BPNT1: variants seen among roughly 807,000 people sequenced by gnomAD.
BPNT1 encodes 3'(2'), 5'-bisphosphate nucleotidase 1, also known as 3'(2'),5'-bisphosphate nucleotidase 1.
BPNT1 carries 28 observed loss-of-function variants against 36.9 expected under a neutral mutation model. The ratio of observed to expected loss-of-function variants is 0.76; its 90% CI spans 0.56 to 1.04. The LOEUF (loss-of-function observed/expected upper bound fraction) is 1.04. Among genes scored for constraint, BPNT1 ranks in the 50% least tolerant of loss-of-function variants. The pLI, the probability that BPNT1 is intolerant of heterozygous loss-of-function variation, is 0.00. For missense variants in BPNT1, 313 were observed against 372.9 expected, an observed-to-expected ratio of 0.84 and a Z score of 1.32; for synonymous variants, 119 against 130.9, an observed-to-expected ratio of 0.91 and a Z score of 0.62.
Position 220,058,859 on chromosome 1 carries a change from AT to A in BPNT1, c.911del (p.Asn304MetfsTer20), listed in dbSNP as rs1210209988. ...AAACTTTCCTTTAAGGAACAAGTGC[AT>A]TTTTAATAGATTCTGGAACTCGGCT... ...YASRVPESIK[N>X]ALVP On this transcript the variant is annotated frameshift_variant, in exon 9 of 9. Transcript: ENST00000322067. LOFTEE classifies it high-confidence loss of function. 6.2e-7 allele frequency: 1 copy of A among 1,613,968 alleles called. No homozygotes were observed. Among genetic ancestry groups the A allele is most frequent in the African/African-American group, 1.3e-5 (1 of 74,914 alleles).
intron 1 of BPNT1, among the ~76,000 whole-genome samples, chr1:220,083,440 G>C (rs1655408657): frequency 2.0e-5 from 3 of 150,668 alleles, no homozygotes; most frequent in Non-Finnish European, 4.4e-5. Context: ...TCAGCCTCCC[G>C]AGTAGCTGGG....
At chr1:220,082,796 AGGCT>A in intron 1 of BPNT1, among the ~76,000 whole-genome samples, 2 of 152,156 alleles carry the variant, frequency 1.3e-5, no homozygotes, top group East Asian at 3.9e-4. Context: ...CATGTTGGCC[AGGCT>A]GGTCTTGTAC....
rs774258672 is a variant in BPNT1, at chr1:220,062,744, A to C, written c.672+13T>G. 8.7e-6 allele frequency: 14 copies of C among 1,613,580 alleles called. No individual in the cohort carries two copies. The highest frequency in any genetic ancestry group is 1.1e-5 in the Non-Finnish European group (13 of 1,179,570). On this transcript the variant is annotated intron_variant, in intron 7 of 8. Transcript: ENST00000322067. ...ACTTGCACTTCAGAGCAGATGACAG[A>C]CATTTTTCATACCTTATTTCCTGCT...
At chr1:220,059,057 T>G in intron 8 of BPNT1, 65 bp from the exon 9 acceptor site, 3 of 1,554,158 alleles carry the variant, frequency 1.9e-6, no homozygotes, top group Non-Finnish European at 2.6e-6. Flanking sequence ...TTTCTAGTTA[T>G]TTTTAAGTGC....
chr1:220,086,140 A>G (rs986234641), intron 1 of BPNT1, among the ~76,000 whole-genome samples: 1 of 152,220 alleles, frequency 6.6e-6, no homozygotes, highest in South Asian at 2.1e-4. Flanking sequence ...ATATGATATA[A>G]AAGTTTGGCT....
chr1:220,066,060 C>G, intron 6 of BPNT1: 2 of 1,514,740 alleles, frequency 1.3e-6, no homozygotes, highest in Non-Finnish European at 8.8e-7. Context: ...AAAACCCTAG[C>G]TATTTTTCTC....
chr1:220,060,144 G>T (rs564257432), intron 7 of BPNT1, among the ~76,000 whole-genome samples: 5 of 152,138 alleles, frequency 3.3e-5, no homozygotes, highest in Admixed American at 6.6e-5. Context: ...ATTTACAGCA[G>T]AATTAATTCA....
chr1:220,065,173 G>A (rs988649149), intron 6 of BPNT1, among the ~76,000 whole-genome samples: 3 of 152,122 alleles, frequency 2.0e-5, no homozygotes, highest in African/African-American at 7.2e-5. Flanking sequence ...AGAAAACAGT[G>A]GACACGAATA....
intron 1 of BPNT1, among the ~76,000 whole-genome samples, chr1:220,083,658 C>T (rs1655432195): frequency 6.6e-6 from 1 of 152,070 alleles, no homozygotes; most frequent in Admixed American, 6.6e-5. Flanking sequence ...AACACGGCCT[C>T]GAACTGCACC....
chr1:220,072,803 C>T (rs1307758160), intron 4 of BPNT1, 47 bp downstream of exon 4: 15 of 1,492,378 alleles, frequency 1.0e-5, no homozygotes, highest in Non-Finnish European at 1.3e-5. Context: ...TTTACTATGG[C>T]AAAAAGCCCA....
At chr1:220,078,177 C>A in intron 2 of BPNT1, among the ~76,000 whole-genome samples, 1 of 142,234 alleles carries the variant, frequency 7.0e-6, no homozygotes. Flanking sequence ...TGAGTGAGAC[C>A]TTGTCTCTTT....
Position 220,058,169 on chromosome 1 carries a change from C to A in BPNT1, c.*675G>T, listed in dbSNP as rs944185203. On this transcript the variant is annotated 3_prime_UTR_variant, in exon 9 of 9. Transcript: ENST00000322067. Reference sequence around the variant, plus strand: ...CTAGCCTAGGCTACAGAGCGAGACTCCGTCTCAGGAAAAAAAAAGAGAAAT... The same window carrying A: ...CTAGCCTAGGCTACAGAGCGAGACTACGTCTCAGGAAAAAAAAAGAGAAAT... 1.0e-6 allele frequency: 1 copy of A among 981,706 alleles called. No individual in the cohort carries two copies. The highest frequency in any genetic ancestry group is 1.7e-5 in the African/African-American group (1 of 57,282). 60.8% of individuals were successfully genotyped at this position (981,706 alleles called of 1,614,324 possible).
chr1:220,063,234 G>T (rs1663224619), intron 6 of BPNT1, among the ~76,000 whole-genome samples: 1 of 152,128 alleles, frequency 6.6e-6, no homozygotes, highest in South Asian at 2.1e-4. Flanking sequence ...TGTAGTCCCA[G>T]CTACTTGGGA....
At chr1:220,059,409 T>C (rs1415111898) in intron 8 of BPNT1, among the ~76,000 whole-genome samples, 1 of 144,410 alleles carries the variant, frequency 6.9e-6, no homozygotes, top group East Asian at 2.1e-4. Context: ...AGCGACCCTG[T>C]GTCAAAAAAA....
chr1:220,079,167 T>G (rs1664877082), intron 2 of BPNT1, among the ~76,000 whole-genome samples: 1 of 152,136 alleles, frequency 6.6e-6, no homozygotes, highest in South Asian at 2.1e-4. Flanking sequence ...GATTTGAAGC[T>G]CGGTTACAAT....
chr1:220,074,484 A>G (rs1664363689), intron 2 of BPNT1, among the ~76,000 whole-genome samples: 1 of 151,612 alleles, frequency 6.6e-6, no homozygotes, highest in African/African-American at 2.4e-5. Context: ...TCACAGGTAC[A>G]GAGTAAGAAA....
intron 1 of BPNT1, among the ~76,000 whole-genome samples, chr1:220,085,002 G>C (rs1050646251): frequency 7.9e-5 from 12 of 151,298 alleles, no homozygotes; most frequent in Admixed American, 4.6e-4. Context: ...TAATGAAATA[G>C]TACTATGCCC....
chr1:220,067,393 C>G lies in BPNT1; in HGVS notation c.383G>C (p.Gly128Ala). 6.3e-7 allele frequency: 1 copy of G among 1,598,012 alleles called. No individual in the cohort carries two copies. Among genetic ancestry groups the G allele is most frequent in the Non-Finnish European group, 8.5e-7 (1 of 1,170,204 alleles). Residue 128 changes from glycine (G) to alanine (A), a missense_variant and splice_region_variant, in exon 6 of 9, where the codon GGT becomes GCT. Gly to Ala is a moderately conservative substitution (Grantham distance 60, BLOSUM62 0). Transcript: ENST00000322067. ...PLDGTKEYTE[G>A]LLDNVTVLIG... ...AAGAACTGTTACATTGTCAAGAAGA[C>G]CTGCAAAGAAGAAATAAATATCAGT...
chr1:220,060,771 A>C (rs1442919537), intron 7 of BPNT1, among the ~76,000 whole-genome samples: 1 of 152,038 alleles, frequency 6.6e-6, no homozygotes, highest in Non-Finnish European at 1.5e-5. Context: ...TGCCCAAGGC[A>C]GTGGGGAGCA....
Sources: allele counts gnomAD v4.1 joint callset (sites outside exome capture counted in the v4.1 genomes callset), GRCh38; gene constraint gnomAD v4.1.1; transcripts MANE v1.5; gene names NCBI Gene and HGNC (gene_info 2026-07-23, HGNC 2026-07-21).